Variants in SRGAP3 observed in about 807,000 individuals in gnomAD.
SRGAP3 encodes SLIT-ROBO Rho GTPase-activating protein 3.
Under a neutral mutation model 121.1 loss-of-function variants are expected in SRGAP3, and 39 were observed. That is an observed-to-expected ratio of 0.32 (90% CI 0.25 to 0.42). The LOEUF (loss-of-function observed/expected upper bound fraction) is 0.42, where lower values mean the gene tolerates loss of function less well. SRGAP3 is among the 10% of genes least tolerant of loss of function. The pLI is 1.00. For missense variants in SRGAP3, 1,213 were observed against 1,470.6 expected, an observed-to-expected ratio of 0.82 and a Z score of 2.86; for synonymous variants, 601 against 570.0, an observed-to-expected ratio of 1.05 and a Z score of -0.77.
At chr3:9,000,032 CT>C in intron 18 of SRGAP3, among the ~76,000 whole-genome samples, 1 of 152,298 alleles carries the variant, frequency 6.6e-6, no homozygotes, top group East Asian at 1.9e-4. Context: ...CCCTCTACTC[CT>C]GCTCCAAGCT....
chr3:9,110,423 T>C (rs1454641415), intron 2 of SRGAP3, among the ~76,000 whole-genome samples: 5 of 152,166 alleles, frequency 3.3e-5, no homozygotes. Context: ...TTGGATGCTA[T>C]TTAAAACCAC....
chr3:9,361,439 T>C (rs2030821244), intron 1 of SRGAP3, among the ~76,000 whole-genome samples: 1 of 152,090 alleles, frequency 6.6e-6, no homozygotes. Flanking sequence ...CTTTTTGGTT[T>C]TGTTTTGTTT....
chr3:9,063,955 G>A (rs1423723899), intron 5 of SRGAP3, among the ~76,000 whole-genome samples: 1 of 152,128 alleles, frequency 6.6e-6, no homozygotes, highest in Admixed American at 6.5e-5. Flanking sequence ...TCCAGGTGCT[G>A]GTCCCTCTTG....
intron 5 of SRGAP3, among the ~76,000 whole-genome samples, chr3:9,061,051 G>A (rs927566275): frequency 1.3e-5 from 2 of 152,194 alleles, no homozygotes; most frequent in Admixed American, 1.3e-4. Flanking sequence ...GGCCAACAGG[G>A]CAAAACCCCA....
chr3:9,328,411 G>A (rs1955552404), intron 2 of SRGAP3, among the ~76,000 whole-genome samples: 1 of 152,210 alleles, frequency 6.6e-6, no homozygotes, highest in Non-Finnish European at 1.5e-5. Flanking sequence ...AAAGGGGTCT[G>A]TAGTGCCTCC....
chr3:9,321,569 C>T (rs568948054), intron 3 of SRGAP3, among the ~76,000 whole-genome samples: 1 of 151,824 alleles, frequency 6.6e-6, no homozygotes, highest in Non-Finnish European at 1.5e-5. Flanking sequence ...TGACAGCAGT[C>T]GGGTTTGTCA....
intron 1 of SRGAP3, among the ~76,000 whole-genome samples, chr3:9,207,709 G>A (rs546074774): frequency 6.6e-6 from 1 of 152,320 alleles, no homozygotes; most frequent in Non-Finnish European, 1.5e-5. Context: ...CCAGGTTGTG[G>A]TGAGGTAGCC....
At chr3:9,021,248 G>A (rs563008007) in intron 14 of SRGAP3, among the ~76,000 whole-genome samples, 261 of 152,332 alleles carry the variant, frequency 1.7e-3, no homozygotes, top group Middle Eastern at 3.4e-3. Context: ...ATGCACAGCG[G>A]GAGAGAGCCA....
rs541370785 is a variant in SRGAP3, at chr3:9,143,718, C to G, written c.68-18801G>C. Among the ~76,000 whole-genome samples the G allele has an allele frequency of 5.3e-5, 8 of 152,208 alleles. No individual in the cohort carries two copies. In the East Asian group the frequency reaches 1.5e-3, roughly 29 times the overall value. ...AGCACCCTCCCCCATAGGAAGTGTA[C>G]ATGATGGCAGGCTTCTACAGAGCCC... On this transcript the variant is annotated intron_variant, in intron 1 of 21. Coordinates refer to ENST00000383836, the MANE Select transcript of SRGAP3 (RefSeq NM_014850.4).
chr3:9,113,095 G>A (rs545322328), intron 2 of SRGAP3, among the ~76,000 whole-genome samples: 2 of 152,312 alleles, frequency 1.3e-5, no homozygotes, highest in South Asian at 2.1e-4. Flanking sequence ...GGTCAGACAA[G>A]ACTGAACATG....
chr3:9,139,328 A>G (rs1322103106), intron 1 of SRGAP3, among the ~76,000 whole-genome samples: 1 of 152,236 alleles, frequency 6.6e-6, no homozygotes, highest in Non-Finnish European at 1.5e-5. Flanking sequence ...AGATGTGATT[A>G]AAATTAAGGA....
chr3:9,047,112 G>A (rs928712435), intron 10 of SRGAP3, among the ~76,000 whole-genome samples: 4 of 152,078 alleles, frequency 2.6e-5, no homozygotes, highest in African/African-American at 4.8e-5. Context: ...GATTACAGGC[G>A]TGAGCCACCG....
intron 3 of SRGAP3, among the ~76,000 whole-genome samples, chr3:9,316,134 C>T (rs1366877466): frequency 6.6e-6 from 1 of 151,970 alleles, no homozygotes; most frequent in African/African-American, 2.4e-5. Context: ...TTGCAACCTC[C>T]GCCTCTTGGA....
rs571160830 is a variant in SRGAP3 at position 9,013,554 on chromosome 3, C to T, written c.1920-19G>A. 4 of 1,613,118 alleles carry T rather than the reference C, an allele frequency of 2.5e-6. No homozygotes were observed. In the South Asian group the frequency reaches 4.4e-5, roughly 18 times the overall value. Reference sequence around the variant, plus strand: ...GGAGAGGCTAGGAGAGAGGAGTTACCCACAAGTCATCTGGGAAAGGCAAGT... The same window carrying T: ...GGAGAGGCTAGGAGAGAGGAGTTACTCACAAGTCATCTGGGAAAGGCAAGT... On this transcript the variant is annotated intron_variant, in intron 16 of 21. Coordinates refer to ENST00000383836, the MANE Select transcript of SRGAP3 (RefSeq NM_014850.4).
chr3:9,277,088 A>G (rs577176098), intron 3 of SRGAP3, among the ~76,000 whole-genome samples: 2 of 152,368 alleles, frequency 1.3e-5, no homozygotes, highest in Admixed American at 1.3e-4. Flanking sequence ...ACCTATTATA[A>G]AAGATTATCT....
At chr3:9,077,410 CAG>C in intron 4 of SRGAP3, among the ~76,000 whole-genome samples, 1 of 152,270 alleles carries the variant, frequency 6.6e-6, no homozygotes. Flanking sequence ...ACTAAAGACT[CAG>C]TGTGCAGGCA....
At chr3:9,127,328 C>T (rs1254085928) in intron 1 of SRGAP3, among the ~76,000 whole-genome samples, 1 of 152,188 alleles carries the variant, frequency 6.6e-6, no homozygotes, top group Non-Finnish European at 1.5e-5. Flanking sequence ...CAAAGCAAGA[C>T]TCTGTCTCAA....
At chr3:9,017,447 C>T (rs998030117) in intron 14 of SRGAP3, among the ~76,000 whole-genome samples, 3 of 152,164 alleles carry the variant, frequency 2.0e-5, no homozygotes, top group South Asian at 4.1e-4. Context: ...AAACCTGCTA[C>T]ACACAACTTG....
intron 1 of SRGAP3, among the ~76,000 whole-genome samples, chr3:9,346,759 T>C (rs575578496): frequency 4.2e-4 from 63 of 150,762 alleles, no homozygotes; most frequent in African/African-American, 1.3e-3. Context: ...TTTTCTTTTT[T>C]TTTTTTTTTT....
Sources: allele counts gnomAD v4.1 joint callset (sites outside exome capture counted in the v4.1 genomes callset), GRCh38; gene constraint gnomAD v4.1.1; transcripts MANE v1.5; gene names NCBI Gene and HGNC (gene_info 2026-07-23, HGNC 2026-07-21).